CFAP299: variants seen among roughly 807,000 people sequenced by gnomAD.
The protein encoded by CFAP299 is cilia and flagella associated protein 299.
Under a neutral mutation model 27.0 loss-of-function variants are expected in CFAP299, and 21 were observed. The ratio of observed to expected loss-of-function variants is 0.78; its 90% CI spans 0.55 to 1.12. The LOEUF (loss-of-function observed/expected upper bound fraction) is 1.12. CFAP299 is among the 50% of genes most tolerant of loss of function. The probability of loss-of-function intolerance (pLI) is 0.00; values close to 1 mark genes in which losing one functional copy is unlikely to be tolerated. For missense variants in CFAP299, 310 were observed against 276.6 expected (o/e 1.12, Z -0.86); for synonymous variants, 104 against 98.1 (o/e 1.06, Z -0.36).
chr4:80,859,452 T>C (rs1732165331), intron 3 of CFAP299, among the ~76,000 whole-genome samples: 1 of 152,142 alleles, frequency 6.6e-6, no homozygotes, highest in African/African-American at 2.4e-5. Flanking sequence ...AACCTGTCGT[T>C]ATGATGTTAG....
intron 3 of CFAP299, among the ~76,000 whole-genome samples, chr4:80,813,276 C>T (rs1054882112): frequency 6.6e-6 from 1 of 151,856 alleles, no homozygotes; most frequent in African/African-American, 2.4e-5. Context: ...AAAATTATCT[C>T]GAGCCTTTGG....
intron 3 of CFAP299, among the ~76,000 whole-genome samples, chr4:80,613,433 T>C (rs915624878): frequency 4.6e-5 from 7 of 152,142 alleles, no homozygotes; most frequent in Non-Finnish European, 8.8e-5. Context: ...ATTTAAATCA[T>C]TCAACTCAAT....
intron 2 of CFAP299, among the ~76,000 whole-genome samples, chr4:80,509,079 T>C (rs1248425360): frequency 2.0e-5 from 3 of 152,136 alleles, no homozygotes; most frequent in African/African-American, 7.2e-5. Flanking sequence ...ATGCTGGTCT[T>C]GGTTACTAAT....
intron 2 of CFAP299, among the ~76,000 whole-genome samples, chr4:80,565,196 C>T (rs1407786844): frequency 1.3e-5 from 2 of 151,942 alleles, no homozygotes; most frequent in African/African-American, 4.8e-5. Context: ...GCAATATGCT[C>T]AAGCAGTATT....
At chr4:80,709,156 G>A (rs1721992330) in intron 3 of CFAP299, among the ~76,000 whole-genome samples, 3 of 152,092 alleles carry the variant, frequency 2.0e-5, no homozygotes, top group African/African-American at 7.2e-5. Context: ...TTATGATAAG[G>A]TTTTAGTCAG....
chr4:80,678,013 T>A (rs1436731139), intron 3 of CFAP299, among the ~76,000 whole-genome samples: 1 of 152,124 alleles, frequency 6.6e-6, no homozygotes, highest in Non-Finnish European at 1.5e-5. Flanking sequence ...TTTCAGTAAA[T>A]AGTTACTATT....
chr4:80,414,361 C>T (rs1211864420), intron 2 of CFAP299, among the ~76,000 whole-genome samples: 2 of 151,896 alleles, frequency 1.3e-5, no homozygotes, highest in African/African-American at 2.4e-5. Flanking sequence ...TGAGCCACCG[C>T]GACAAATGGG....
intron 4 of CFAP299, among the ~76,000 whole-genome samples, chr4:80,893,968 T>C (rs1734480912): frequency 6.6e-6 from 1 of 151,752 alleles, no homozygotes; most frequent in Non-Finnish European, 1.5e-5. Flanking sequence ...ACACATCTGA[T>C]AAGGGATTAA....
chr4:80,882,497 G>T (rs565764359), intron 4 of CFAP299, among the ~76,000 whole-genome samples: 1 of 152,222 alleles, frequency 6.6e-6, no homozygotes, highest in Non-Finnish European at 1.5e-5. Context: ...AATTAGCCGG[G>T]CGCGGTGGCA....
intron 3 of CFAP299, among the ~76,000 whole-genome samples, chr4:80,766,087 C>T (rs922552209): frequency 6.6e-6 from 1 of 151,968 alleles, no homozygotes; most frequent in Non-Finnish European, 1.5e-5. Flanking sequence ...AATAAGTTAA[C>T]TGCAGGATAA....
At chr4:80,322,619 A>G in the CFAP299 span, among the ~76,000 whole-genome samples, 7 of 152,244 alleles carry the variant, frequency 4.6e-5, no homozygotes, top group East Asian at 1.9e-4. Flanking sequence ...CTGTTCTGCT[A>G]TCACTATTAT....
At chr4:80,702,176 A>G (rs1045378272) in intron 3 of CFAP299, among the ~76,000 whole-genome samples, 1 of 151,878 alleles carries the variant, frequency 6.6e-6, no homozygotes, top group Non-Finnish European at 1.5e-5. Flanking sequence ...CAACTACTCA[A>G]CTAGATACCA....
intron 3 of CFAP299, among the ~76,000 whole-genome samples, chr4:80,693,091 G>T (rs1403954663): frequency 7.9e-5 from 12 of 152,372 alleles, no homozygotes; most frequent in African/African-American, 2.6e-4. Flanking sequence ...CTTTTACACT[G>T]TTGGTGGGAC....
intron 3 of CFAP299, among the ~76,000 whole-genome samples, chr4:80,864,472 A>G (rs1732580861): frequency 7.0e-6 from 1 of 142,030 alleles, no homozygotes. Flanking sequence ...ATATATACCT[A>G]TGTGTATACA....
chr4:80,747,484 A>G (rs1476619986), intron 3 of CFAP299, among the ~76,000 whole-genome samples: 1 of 152,098 alleles, frequency 6.6e-6, no homozygotes, highest in African/African-American at 2.4e-5. Context: ...AGAGAGTTAT[A>G]TAGTAGGATT....
intron 3 of CFAP299, among the ~76,000 whole-genome samples, chr4:80,805,325 A>G (rs1363246423): frequency 1.3e-5 from 2 of 152,192 alleles, no homozygotes; most frequent in Non-Finnish European, 2.9e-5. Context: ...GTCATCACAC[A>G]TAATTTAAAA....
At chr4:80,586,911 G>A (rs1736476111) in intron 3 of CFAP299, among the ~76,000 whole-genome samples, 1 of 151,676 alleles carries the variant, frequency 6.6e-6, no homozygotes, top group South Asian at 2.1e-4. Context: ...CATTATTGAA[G>A]CTAGTAAAAA....
chr4:80,454,653 G>A (rs532691284), intron 2 of CFAP299, among the ~76,000 whole-genome samples: 1 of 152,304 alleles, frequency 6.6e-6, no homozygotes, highest in South Asian at 2.1e-4. Flanking sequence ...CATTAAAAAT[G>A]CCCATAAATG....
intron 2 of CFAP299, among the ~76,000 whole-genome samples, chr4:80,574,845 G>A (rs926282462): frequency 3.9e-5 from 6 of 152,012 alleles, no homozygotes; most frequent in Non-Finnish European, 7.4e-5. Flanking sequence ...TTCATATGTT[G>A]TTGAATTCAG....
Sources: gnomAD v4.1 joint callset for allele counts (sites outside exome capture counted in the v4.1 genomes callset) on GRCh38, gnomAD v4.1.1 for gene constraint, MANE v1.5 for transcripts, NCBI Gene and HGNC (gene_info 2026-07-23, HGNC 2026-07-21) for gene names.